Variants in IQCE observed in about 807,000 individuals in gnomAD.
IQCE encodes IQ motif containing E, also known as IQ domain-containing protein E.
In IQCE, 115 loss-of-function variants were observed where a neutral mutation model predicts 96.0. The observed-to-expected ratio is 1.20, with a 90% CI of 1.03 to 1.40. The LOEUF (loss-of-function observed/expected upper bound fraction) is 1.40. IQCE is among the 40% of genes most tolerant of loss of function. The pLI is 0.00. For missense variants in IQCE, 1,041 were observed against 909.1 expected, an observed-to-expected ratio of 1.15 and a Z score of -1.87; for synonymous variants, 412 against 371.2, an observed-to-expected ratio of 1.11 and a Z score of -1.26.
chr7:2,602,560 AG>A (rs1344620733), intron 18 of IQCE, among the ~76,000 whole-genome samples: 1 of 152,182 alleles, frequency 6.6e-6, no homozygotes, highest in African/African-American at 2.4e-5. Flanking sequence ...TCTAAGTGGC[AG>A]GGCAGACTCA....
intron 13 of IQCE, among the ~76,000 whole-genome samples, chr7:2,588,467 C>A (rs1783307161): frequency 6.6e-6 from 1 of 151,018 alleles, no homozygotes. Context: ...GATTCTCCTC[C>A]CTCAACCTCC....
At chr7:2,577,970 C>T (rs1782311484) in intron 6 of IQCE, among the ~76,000 whole-genome samples, 2 of 128,440 alleles carry the variant, frequency 1.6e-5, no homozygotes, top group African/African-American at 3.0e-5. Flanking sequence ...GCTGTGCGCG[C>T]GGGGACGTGT....
At chr7:2,583,249 A>G (rs909161770) in intron 9 of IQCE, among the ~76,000 whole-genome samples, 11 of 152,200 alleles carry the variant, frequency 7.2e-5, no homozygotes, top group African/African-American at 2.7e-4. Context: ...TGCCAGGGAA[A>G]AGTGATTCTC....
chr7:2,605,058 C>T (rs947290332), intron 19 of IQCE, 67 bp downstream of exon 19: 73 of 1,156,930 alleles, frequency 6.3e-5, no homozygotes, highest in African/African-American at 7.6e-5. Flanking sequence ...CTCCATCCAT[C>T]GAGAAAGCGT....
rs751600299 is a variant in IQCE at position 2,598,547 on chromosome 7, C to A, written c.1523C>A (p.Pro508Gln). Reference protein sequence around the residue: ...WPPDSSEEGLPRPRSPCSDGR... With the variant: ...WPPDSSEEGLQRPRSPCSDGR... ...CCGGATTCCAGCGAGGAGGGGCTCC[C>A]GCGGCCCCGCTCCCCCTGCTCTGAT... Residue 508 changes from proline (P) to glutamine (Q), a missense_variant, in exon 17 of 22, where the codon CCG becomes CAG. Transcript: ENST00000402050. 9.9e-6 allele frequency: 16 copies of A among 1,610,888 alleles called. No homozygotes were observed. The highest frequency in any genetic ancestry group is 1.4e-5 in the Non-Finnish European group (16 of 1,178,716).
Position 2,583,547 on chromosome 7 carries a change from C to G in IQCE, c.702-90C>G, listed in dbSNP as rs190068790. ...TCCTGGGTCTTTTCCAAAGCCTCTC[C>G]TCTTCTGAACGTTCTGGGAAACTCT... On this transcript the variant is annotated intron_variant, in intron 9 of 21. Coordinates refer to ENST00000402050, the MANE Select transcript of IQCE (RefSeq NM_152558.5). 1,412 of 955,676 alleles carry G rather than the reference C, an allele frequency of 1.5e-3. 3 individuals are homozygous for G. The highest frequency in any genetic ancestry group is 2.0e-3 in the Non-Finnish European group (1,269 of 645,680). The allele number at this position is 955,676 out of a possible 1,614,324, so 59.2% of individuals were successfully genotyped here. A position where few individuals can be genotyped will look rare whatever the true frequency, so the allele number is the denominator to read the frequency against.
chr7:2,601,829 C>A, intron 18 of IQCE: 1 of 232,718 alleles, frequency 4.3e-6, no homozygotes, highest in Non-Finnish European at 8.3e-6. Context: ...GAATTACAGG[C>A]GTGAGCCACC....
intron 1 of IQCE, among the ~76,000 whole-genome samples, chr7:2,563,619 C>T (rs1348500538): frequency 6.6e-6 from 1 of 152,034 alleles, no homozygotes; most frequent in Non-Finnish European, 1.5e-5. Flanking sequence ...TAGGTACATC[C>T]CATAAATTTT....
chr7:2,571,670 A>C lies in IQCE; in HGVS notation c.259+16A>C, dbSNP rs1038507841. 3 of 1,594,744 alleles carry C rather than the reference A, an allele frequency of 1.9e-6. No individual in the cohort carries two copies. Among genetic ancestry groups the C allele is most frequent in the Non-Finnish European group, 2.5e-6 (3 of 1,177,138 alleles). On this transcript the variant is annotated intron_variant, in intron 4 of 21. Coordinates refer to ENST00000402050, the MANE Select transcript of IQCE (RefSeq NM_152558.5). ...GCAAAGCCAGGTATGTGGTTGTCGCACTGGAGACCCTTCCTGCTTGAGAGA... is the reference window on the plus strand; with the variant it reads ...GCAAAGCCAGGTATGTGGTTGTCGCCCTGGAGACCCTTCCTGCTTGAGAGA...
intron 8 of IQCE, among the ~76,000 whole-genome samples, chr7:2,580,727 T>TA (rs765287492): frequency 9.7e-4 from 147 of 151,150 alleles, no homozygotes; most frequent in Admixed American, 4.8e-3. Context: ...AATGTTAGAA[T>TA]AAAAAAAAAG....
chr7:2,591,242 C>G (rs1227788747), intron 14 of IQCE, among the ~76,000 whole-genome samples: 2 of 151,374 alleles, frequency 1.3e-5, no homozygotes, highest in Non-Finnish European at 2.9e-5. Context: ...AACAGTGAGA[C>G]TCTGTCTCAA....
intron 3 of IQCE, 83 bp downstream of exon 3, chr7:2,569,082 A>G: frequency 7.2e-7 from 1 of 1,393,486 alleles, no homozygotes. Flanking sequence ...TGCTTTGTAC[A>G]TTTAGGTAGC....
At chr7:2,569,319 C>G (rs756316612) in intron 3 of IQCE, among the ~76,000 whole-genome samples, 1 of 152,182 alleles carries the variant, frequency 6.6e-6, no homozygotes, top group Non-Finnish European at 1.5e-5. Context: ...CTTGCTTTCT[C>G]AAAGGCTTAC....
chr7:2,607,508 G>A, intron 21 of IQCE: 2 of 1,295,732 alleles, frequency 1.5e-6, no homozygotes, highest in Non-Finnish European at 2.0e-6. Flanking sequence ...TCCTCCTTCA[G>A]GCCAGCATTT....
Position 2,612,186 on chromosome 7 carries a change from T to A in IQCE, c.*2024T>A, listed in dbSNP as rs1325684904. Reference sequence around the variant, plus strand: ...TGGAGAGGGCTTTCCTGCCTCAGGCTTGGAGGCCAATGTTCCATACATAAA... The same window carrying A: ...TGGAGAGGGCTTTCCTGCCTCAGGCATGGAGGCCAATGTTCCATACATAAA... On this transcript the variant is annotated 3_prime_UTR_variant, in exon 22 of 22. Transcript: ENST00000402050. The A allele has an allele frequency of 6.6e-6, 1 of 152,226 alleles. No homozygotes were observed. The highest frequency in any genetic ancestry group is 1.5e-5 in the Non-Finnish European group (1 of 68,052). The allele number at this position is 152,226 out of a possible 1,614,324, so 9.4% of individuals were successfully genotyped here.
chr7:2,572,759 G>GTCTCAAAT, intron 5 of IQCE: 1 of 455,984 alleles, frequency 2.2e-6, no homozygotes, highest in South Asian at 1.6e-5. Flanking sequence ...GCCCAGGCTG[G>GTCTCAAAT]TCTCAAATTC....
At chr7:2,576,954 AT>A (rs946902791) in intron 6 of IQCE, among the ~76,000 whole-genome samples, 8 of 152,250 alleles carry the variant, frequency 5.3e-5, no homozygotes, top group East Asian at 1.9e-4. Context: ...TTAGGCGCGC[AT>A]TCCGTGGGAC....
At chr7:2,580,072 T>C (rs1326618230) in intron 8 of IQCE, 2 of 152,116 alleles carry the variant, frequency 1.3e-5, no homozygotes, top group Non-Finnish European at 2.9e-5. Flanking sequence ...TCCTAGGGTA[T>C]ATGCAGTATT....
In IQCE at chr7:2,605,968, G is replaced by A. The variant is rs956574174; in HGVS notation, c.1836G>A (p.Leu612=). 2.9e-5 allele frequency: 47 copies of A among 1,610,182 alleles called. No individual in the cohort carries two copies. Among genetic ancestry groups the A allele is most frequent in the Non-Finnish European group, 3.6e-5 (43 of 1,178,946 alleles). Residue 612 remains leucine, a synonymous_variant, in exon 20 of 22, where the codon CTG becomes CTA. Transcript: ENST00000402050. ...EEAIVIIQSA[L]RAHLARARHS... Reference sequence around the variant, plus strand: ...CCATCGTCATCATCCAGTCCGCTCTGCGGGCACACCTGGCCCGGGCCAGGC... The same window carrying A: ...CCATCGTCATCATCCAGTCCGCTCTACGGGCACACCTGGCCCGGGCCAGGC...
Sources: allele counts gnomAD v4.1 joint callset (sites outside exome capture counted in the v4.1 genomes callset), GRCh38; gene constraint gnomAD v4.1.1; transcripts MANE v1.5; gene names NCBI Gene and HGNC (gene_info 2026-07-23, HGNC 2026-07-21).